RGS7: variants seen among roughly 807,000 people sequenced by gnomAD.
RGS7 encodes regulator of G-protein signaling 7.
RGS7 carries 27 observed loss-of-function variants against 81.1 expected under a neutral mutation model. The observed-to-expected ratio is 0.33, with a 90% CI of 0.25 to 0.46. The LOEUF is 0.46. Ranked by LOEUF, RGS7 falls within the 20% of genes least tolerant of loss-of-function variation. The pLI is 1.00. For synonymous variants in RGS7, 208 were observed against 207.7 expected, an observed-to-expected ratio of 1.00 and a Z score of -0.01; for missense variants, 396 against 607.4, an observed-to-expected ratio of 0.65 and a Z score of 3.66.
At chr1:240,853,772 G>A (rs1660549864) in intron 9 of RGS7, among the ~76,000 whole-genome samples, 1 of 151,640 alleles carries the variant, frequency 6.6e-6, no homozygotes, top group African/African-American at 2.4e-5. Context: ...CGTGGTGCGG[G>A]CACCTGTAGT....
intron 3 of RGS7, among the ~76,000 whole-genome samples, chr1:241,041,722 T>A (rs2060628954): frequency 6.6e-6 from 1 of 152,136 alleles, no homozygotes; most frequent in African/African-American, 2.4e-5. Flanking sequence ...ACAAGCAGGA[T>A]AAAGACAGAC....
intron 7 of RGS7, among the ~76,000 whole-genome samples, chr1:240,869,488 T>C (rs796847178): frequency 2.0e-5 from 3 of 152,236 alleles, no homozygotes; most frequent in Admixed American, 2.0e-4. Context: ...TTTCGACAGT[T>C]AAGTCGATTT....
At chr1:240,819,075 C>T (rs1249842506) in intron 10 of RGS7, among the ~76,000 whole-genome samples, 1 of 152,150 alleles carries the variant, frequency 6.6e-6, no homozygotes, top group African/African-American at 2.4e-5. Context: ...AATTAGGCAA[C>T]AGAAAGATCA....
intron 2 of RGS7, among the ~76,000 whole-genome samples, chr1:241,152,906 C>A (rs2068856491): frequency 6.6e-6 from 1 of 152,160 alleles, no homozygotes. Flanking sequence ...TTTGTTACTA[C>A]CTGTTAACCT....
intron 6 of RGS7, among the ~76,000 whole-genome samples, chr1:240,930,491 A>C (rs548204491): frequency 1.8e-4 from 27 of 152,244 alleles, no homozygotes; most frequent in Admixed American, 5.9e-4. Context: ...ACCTAATCAG[A>C]AGGCTTTCTT....
At chr1:240,816,244 T>C (rs1309665744) in intron 11 of RGS7, 73 bp downstream of exon 11, 9 of 940,716 alleles carry the variant, frequency 9.6e-6, no homozygotes, top group Non-Finnish European at 1.8e-6. Flanking sequence ...TACCCACTAT[T>C]AACATTTACC....
chr1:241,337,419 G>T (rs973852496), intron 2 of RGS7, among the ~76,000 whole-genome samples: 12 of 151,978 alleles, frequency 7.9e-5, no homozygotes, highest in African/African-American at 2.9e-4. Flanking sequence ...GGGAAATCAG[G>T]GAATCACTGC....
At chr1:240,912,224 T>A (rs261832) in intron 6 of RGS7, among the ~76,000 whole-genome samples, 76,729 of 149,002 alleles carry the variant, frequency 0.51, 20,403 homozygotes, top group Middle Eastern at 0.65. Context: ...AAAGGTGTGA[T>A]GTAAGCTGGT....
At chr1:241,095,824 A>G (rs1226705951) in intron 3 of RGS7, among the ~76,000 whole-genome samples, 10 of 152,180 alleles carry the variant, frequency 6.6e-5, no homozygotes, top group Non-Finnish European at 1.5e-4. Context: ...ACAACATATT[A>G]TTGTTAACTA....
In RGS7 at chr1:241,281,725, A is replaced by C. The variant is rs79241455; in HGVS notation, c.78+73974T>G. 4.4e-3 allele frequency among the ~76,000 whole-genome samples: 666 copies of C among 152,314 alleles called. 3 individuals are homozygous for C. Among genetic ancestry groups the C allele is most frequent in the African/African-American group, 0.015 (616 of 41,552 alleles). On this transcript the variant is annotated intron_variant, in intron 2 of 18. Transcript: ENST00000440928. ...ACTTTTTCTTAAGATTTTCTTAGTA[A>C]CATTTCCTTTTCTCTAGCTTACTTT...
At chr1:241,027,822 A>G (rs2059869514) in intron 3 of RGS7, among the ~76,000 whole-genome samples, 1 of 152,228 alleles carries the variant, frequency 6.6e-6, no homozygotes, top group African/African-American at 2.4e-5. Flanking sequence ...CACATATTAG[A>G]TAACCAAGTA....
At chr1:240,930,825 T>G in intron 5 of RGS7, 57 bp from the exon 6 acceptor site, 1 of 1,502,820 alleles carries the variant, frequency 6.7e-7, no homozygotes, top group Non-Finnish European at 9.3e-7. Context: ...TAGTGGAGTT[T>G]CTGGCCAGTG....
chr1:241,123,479 G>A (rs538821549), intron 2 of RGS7, among the ~76,000 whole-genome samples: 3 of 152,292 alleles, frequency 2.0e-5, no homozygotes, highest in Admixed American at 6.5e-5. Flanking sequence ...GGCCGGACAC[G>A]GTGGCTCACG....
At chr1:241,341,186 A>C (rs2082523406) in intron 2 of RGS7, among the ~76,000 whole-genome samples, 1 of 152,146 alleles carries the variant, frequency 6.6e-6, no homozygotes. Context: ...TCCTTACAAC[A>C]CCATCGTGAA....
intron 2 of RGS7, among the ~76,000 whole-genome samples, chr1:241,235,248 G>A (rs2075864014): frequency 6.6e-6 from 1 of 152,200 alleles, no homozygotes; most frequent in African/African-American, 2.4e-5. Context: ...ACTAATTCCA[G>A]GCCACACAAA....
At chr1:241,228,729 C>A (rs1280707044) in intron 2 of RGS7, among the ~76,000 whole-genome samples, 2 of 151,900 alleles carry the variant, frequency 1.3e-5, no homozygotes, top group East Asian at 1.9e-4. Flanking sequence ...AATATTAGAT[C>A]AAGCACGGGG....
intron 2 of RGS7, among the ~76,000 whole-genome samples, chr1:241,105,037 A>G (rs972868459): frequency 3.3e-5 from 5 of 152,204 alleles, no homozygotes; most frequent in Non-Finnish European, 7.3e-5. Flanking sequence ...TTTGTGAAAA[A>G]TACATTATCA....
chr1:241,209,384 C>T (rs2074112823), intron 2 of RGS7, among the ~76,000 whole-genome samples: 1 of 151,896 alleles, frequency 6.6e-6, no homozygotes, highest in African/African-American at 2.4e-5. Flanking sequence ...AAATGAAATC[C>T]CCATGAGAAT....
Position 240,868,921 on chromosome 1 carries a change from A to G in RGS7, c.451-69T>C, listed in dbSNP as rs1427692140. 2 of 1,390,256 alleles carry G rather than the reference A, an allele frequency of 1.4e-6. No homozygotes were observed. Among genetic ancestry groups the G allele is most frequent in the Non-Finnish European group, 1.0e-6 (1 of 976,112 alleles). 86.1% of individuals were successfully genotyped at this position (1,390,256 alleles called of 1,614,324 possible). On this transcript the variant is annotated intron_variant, in intron 7 of 18. Transcript: ENST00000440928. This position sits in a 1 kb window ranked among gnomAD's most constrained non-coding sequence, Gnocchi z 5.1. ...ACTGCTCTCTTCTAGCTTAGTTACCACTTGTATTTGTCAAGGAAACAAATA... is the reference window on the plus strand; with the variant it reads ...ACTGCTCTCTTCTAGCTTAGTTACCGCTTGTATTTGTCAAGGAAACAAATA...
Sources: gnomAD v4.1 joint callset for allele counts (sites outside exome capture counted in the v4.1 genomes callset) on GRCh38, gnomAD v4.1.1 for gene constraint, Gnocchi (gnomAD v3.1) non-coding constraint, MANE v1.5 for transcripts, NCBI Gene and HGNC (gene_info 2026-07-23, HGNC 2026-07-21) for gene names.